The following PHF21A variants were observed in gnomAD, a reference collection of about 807,000 sequenced individuals.
PHF21A encodes PHD finger protein 21A, also known as BHC80a.
In PHF21A, 11 loss-of-function variants were observed where a neutral mutation model predicts 82.5. That is an observed-to-expected ratio of 0.13 (90% CI 0.08 to 0.22). PHF21A has a LOEUF of 0.22. PHF21A is among the 10% of genes least tolerant of loss of function. The probability of loss-of-function intolerance (pLI) is 1.00; values close to 1 mark genes in which losing one functional copy is unlikely to be tolerated. For missense variants in PHF21A, 579 were observed against 837.8 expected (o/e 0.69, Z 3.81); for synonymous variants, 297 against 302.8 (o/e 0.98, Z 0.20).
intron 6 of PHF21A, among the ~76,000 whole-genome samples, chr11:46,050,923 T>C (rs976250646): frequency 2.6e-5 from 4 of 152,202 alleles, no homozygotes; most frequent in South Asian, 4.1e-4. Flanking sequence ...TCTGCTTGTA[T>C]GCTACACAGA....
At chr11:45,936,771 A>G (rs2089166963) in intron 16 of PHF21A, 1 of 546,410 alleles carries the variant, frequency 1.8e-6, no homozygotes, top group Non-Finnish European at 3.2e-6. Context: ...TCAAGGCAGG[A>G]AGAGCCAGGA....
chr11:45,944,057 T>C (rs2090886062), intron 15 of PHF21A, among the ~76,000 whole-genome samples: 1 of 152,144 alleles, frequency 6.6e-6, no homozygotes, highest in Non-Finnish European at 1.5e-5. Flanking sequence ...ACAATAAATG[T>C]CAAGAGTAAT....
At position 45,965,474 on chromosome 11, in the gene PHF21A, C is replaced by G. The variant is rs201598869; in HGVS notation, c.837G>C (p.Gln279His). Residue 279 changes from glutamine (Q) to histidine (H), a missense_variant, in exon 10 of 19, where the codon CAG becomes CAC. By Grantham distance (24) the Gln-to-His change is conservative. Coordinates refer to ENST00000676320, the MANE Select transcript of PHF21A (RefSeq NM_001352027.3). ...KFTPTTLPTS[Q>H]NSIHPVRVVN... ...CGACACGGACGGGGTGGATGGAATTCTGGGATGTGGGAAGGGTTGTGGGGG... is the reference window on the plus strand; with the variant it reads ...CGACACGGACGGGGTGGATGGAATTGTGGGATGTGGGAAGGGTTGTGGGGG... 14 of 1,613,806 alleles carry G rather than the reference C, an allele frequency of 8.7e-6. No homozygotes were observed. Among genetic ancestry groups the G allele is most frequent in the Non-Finnish European group, 1.2e-5 (14 of 1,180,000 alleles).
chr11:46,043,898 C>T (rs2096206917), intron 6 of PHF21A, among the ~76,000 whole-genome samples: 1 of 152,086 alleles, frequency 6.6e-6, no homozygotes, highest in African/African-American at 2.4e-5. Context: ...GTGCAGAAAA[C>T]AGTAAAAGAT....
chr11:46,103,496 C>T (rs1288391540), intron 1 of PHF21A, among the ~76,000 whole-genome samples: 2 of 152,032 alleles, frequency 1.3e-5, no homozygotes, highest in Admixed American at 6.5e-5. Context: ...TTAAAAAACT[C>T]GTTGGAATTT....
At position 45,948,894 on chromosome 11, in the gene PHF21A, C is replaced by G; in HGVS notation, c.1280G>C (p.Arg427Pro). The change falls in exon 14 of 19, where the codon CGG becomes CCG. Residue 427 changes from arginine to proline, a missense_variant. Coordinates refer to ENST00000676320, the MANE Select transcript of PHF21A (RefSeq NM_001352027.3). The part of the protein sequence containing the change: ...YLNSTMHPGT[R>P]KRGRPPKYNA... ...TACAAAAAGGTCCTCACCTCTCTTCCGGGTCCCAGGGTGCATTGTGCTGTT... is the reference window on the plus strand; with the variant it reads ...TACAAAAAGGTCCTCACCTCTCTTCGGGGTCCCAGGGTGCATTGTGCTGTT... 6.2e-7 allele frequency: 1 copy of G among 1,613,770 alleles called. No homozygotes were observed. Among genetic ancestry groups the G allele is most frequent in the East Asian group, 2.2e-5 (1 of 44,890 alleles).
chr11:45,953,997 G>T (rs2092409849), intron 10 of PHF21A, among the ~76,000 whole-genome samples: 3 of 152,024 alleles, frequency 2.0e-5, no homozygotes, highest in South Asian at 2.1e-4. Context: ...GCTATTTTTT[G>T]TTGTTGTTGT....
At chr11:45,934,365 G>A (rs2088269959) in intron 18 of PHF21A, 140 bp from the exon 19 acceptor site, 1 of 841,046 alleles carries the variant, frequency 1.2e-6, no homozygotes, top group African/African-American at 1.7e-5. Flanking sequence ...GCCTTGCTGT[G>A]TTCCTCAGTG....
chr11:46,103,237 T>C (rs1441073115), intron 1 of PHF21A, among the ~76,000 whole-genome samples: 1 of 152,236 alleles, frequency 6.6e-6, no homozygotes, highest in Non-Finnish European at 1.5e-5. Flanking sequence ...TGAAATATAC[T>C]TCTAAAGTTT....
intron 1 of PHF21A, among the ~76,000 whole-genome samples, chr11:46,106,519 A>G (rs1198216180): frequency 3.9e-5 from 6 of 152,220 alleles, no homozygotes; most frequent in Non-Finnish European, 7.3e-5. Context: ...AACAAATACT[A>G]AATAGAATAA....
In PHF21A at chr11:46,121,387, C is replaced by A. The variant is rs925946424; in HGVS notation, c.-689G>T. Among the ~76,000 whole-genome samples the A allele has an allele frequency of 2.0e-5, 3 of 151,174 alleles. No homozygotes were observed. Among genetic ancestry groups the A allele is most frequent in the Non-Finnish European group, 4.4e-5 (3 of 67,624 alleles). ...AGACAAACAAGCCCAACTCTTCATCCTCCTCCTCCTCTCAGCAGCAGCAGC... is the reference window on the plus strand; with the variant it reads ...AGACAAACAAGCCCAACTCTTCATCATCCTCCTCCTCTCAGCAGCAGCAGC... On this transcript the variant is annotated 5_prime_UTR_variant, in exon 1 of 19. The change creates a new upstream start codon in the 5' untranslated region. Transcript: ENST00000676320.
intron 6 of PHF21A, among the ~76,000 whole-genome samples, chr11:46,042,289 G>A (rs749123863): frequency 6.6e-6 from 1 of 152,126 alleles, no homozygotes; most frequent in Non-Finnish European, 1.5e-5. Flanking sequence ...CAAACTTTAA[G>A]ATTGCTGGAC....
chr11:45,967,964 C>T (rs1446281005), intron 9 of PHF21A, among the ~76,000 whole-genome samples: 1 of 152,134 alleles, frequency 6.6e-6, no homozygotes, highest in Non-Finnish European at 1.5e-5. Context: ...GGTTACAATC[C>T]ACTAAACTGC....
chr11:46,110,626 T>G (rs1357011501), intron 1 of PHF21A, among the ~76,000 whole-genome samples: 2 of 152,230 alleles, frequency 1.3e-5, no homozygotes, highest in African/African-American at 4.8e-5. Flanking sequence ...ATTAACTCCT[T>G]TGTAACTGCT....
Position 45,945,900 on chromosome 11 carries a change from G to T in PHF21A, c.1392C>A (p.Thr464=). ...PDSPENEKTE[T]TFTFPAPVQP... ...GAACAGGTGCAGGGAAAGTGAATGT[G>T]GTCTCTGTCTTTTCATTTTCAGGGG... Residue 464 remains threonine, a synonymous_variant, in exon 15 of 19, where the codon ACC becomes ACA. Transcript: ENST00000676320. The T allele has an allele frequency of 6.2e-7, 1 of 1,612,066 alleles. No individual in the cohort carries two copies. The highest frequency in any genetic ancestry group is 2.2e-5 in the East Asian group (1 of 44,858).
chr11:45,956,254 T>C (rs1375124105), intron 10 of PHF21A, among the ~76,000 whole-genome samples: 1 of 152,146 alleles, frequency 6.6e-6, no homozygotes, highest in Non-Finnish European at 1.5e-5. Flanking sequence ...TAAAGCTAAC[T>C]AGATGAATAA....
intron 6 of PHF21A, among the ~76,000 whole-genome samples, chr11:46,008,381 A>G (rs1280471851): frequency 6.6e-6 from 1 of 152,196 alleles, no homozygotes; most frequent in Admixed American, 6.5e-5. Context: ...CTGGGTTCTG[A>G]AAAGATGAGC....
chr11:45,964,592 T>C (rs1431468481), intron 10 of PHF21A, among the ~76,000 whole-genome samples: 1 of 152,214 alleles, frequency 6.6e-6, no homozygotes, highest in Admixed American at 6.5e-5. Flanking sequence ...AGAGAATGCT[T>C]TTCTTTGCCA....
chr11:46,059,060 T>C (rs1049821460), intron 6 of PHF21A, among the ~76,000 whole-genome samples: 9 of 152,242 alleles, frequency 5.9e-5, no homozygotes, highest in East Asian at 1.9e-4. Flanking sequence ...ATTAAGCTAG[T>C]TGGAGTTAGA....
Sources: allele counts gnomAD v4.1 joint callset (sites outside exome capture counted in the v4.1 genomes callset), GRCh38; gene constraint gnomAD v4.1.1; transcripts MANE v1.5; gene names NCBI Gene and HGNC (gene_info 2026-07-23, HGNC 2026-07-21).